Variants in ADCY5 observed in about 807,000 individuals in gnomAD.
ADCY5 encodes adenylate cyclase 5, also known as adenylate cyclase type 5.
ADCY5 carries 30 observed loss-of-function variants against 119.7 expected under a neutral mutation model. The ratio of observed to expected loss-of-function variants is 0.25; its 90% confidence interval spans 0.19 to 0.34. The LOEUF is 0.34. Ranked by LOEUF, ADCY5 falls within the 10% of genes least tolerant of loss-of-function variation. The pLI is 1.00. For synonymous variants in ADCY5, 753 were observed against 762.2 expected (o/e 0.99, Z 0.20); for missense variants, 1,324 against 1,775.2 (o/e 0.75, Z 4.57).
intron 1 of ADCY5, among the ~76,000 whole-genome samples, chr3:123,411,623 A>G (rs1204451574): frequency 6.6e-6 from 1 of 152,078 alleles, no homozygotes. Flanking sequence ...TTTTAAGTCC[A>G]AGCTCCCACA....
At chr3:123,384,103 G>C (rs12631135) in intron 1 of ADCY5, among the ~76,000 whole-genome samples, 71,931 of 151,758 alleles carry the variant, frequency 0.47, 17,807 homozygotes, top group East Asian at 0.69. Flanking sequence ...CCCTGCAGTT[G>C]TGAACCCAAT....
At chr3:123,429,674 C>T (rs187178094) in intron 1 of ADCY5, among the ~76,000 whole-genome samples, 6 of 152,326 alleles carry the variant, frequency 3.9e-5, no homozygotes, top group Non-Finnish European at 8.8e-5. Context: ...CACCTGATGG[C>T]CCATCCTCAA....
chr3:123,419,284 C>T lies in ADCY5; in HGVS notation c.1134+28128G>A, dbSNP rs1203211607. On this transcript the variant is annotated intron_variant, in intron 1 of 20. Coordinates refer to ENST00000462833, the MANE Select transcript of ADCY5 (RefSeq NM_183357.3). ...CCACAGGCCAGGGAAGTGCCGTCCGCCCACCCACTTCTCTTTGAATGGCAG... is the reference window on the plus strand; with the variant it reads ...CCACAGGCCAGGGAAGTGCCGTCCGTCCACCCACTTCTCTTTGAATGGCAG... 15 of 829,420 alleles carry T rather than the reference C, an allele frequency of 1.8e-5. No homozygotes were observed. The East Asian group carries it at 1.2e-3, about 69-fold the overall frequency. The allele number at this position is 829,420 out of a possible 1,614,324, so 51.4% of individuals were successfully genotyped here. A position where few individuals can be genotyped will look rare whatever the true frequency, so the allele number is the denominator to read the frequency against.
At chr3:123,325,588 C>T in intron 7 of ADCY5, 126 bp from the exon 8 acceptor site, 1 of 1,261,474 alleles carries the variant, frequency 7.9e-7, no homozygotes, top group Non-Finnish European at 1.1e-6. Flanking sequence ...TCTGCACAGC[C>T]CTGGAGCCAG....
intron 1 of ADCY5, among the ~76,000 whole-genome samples, chr3:123,365,596 C>T (rs551030641): frequency 2.0e-4 from 31 of 152,032 alleles, no homozygotes; most frequent in Non-Finnish European, 3.7e-4. Flanking sequence ...AGGGGAAGTC[C>T]GGGAGGAGCT....
At chr3:123,426,299 G>GTGT (rs1553748962) in intron 1 of ADCY5, among the ~76,000 whole-genome samples, 4 of 97,950 alleles carry the variant, frequency 4.1e-5, no homozygotes, top group Non-Finnish European at 9.3e-5. Flanking sequence ...TTTCTTTTGT[G>GTGT]TTTTTTTTTT....
intron 1 of ADCY5, among the ~76,000 whole-genome samples, chr3:123,439,546 T>C (rs1945686630): frequency 6.6e-6 from 1 of 152,212 alleles, no homozygotes; most frequent in African/African-American, 2.4e-5. Flanking sequence ...CTATGACTAA[T>C]TTATAAACTT....
chr3:123,346,670 A>T (rs1477025558), intron 3 of ADCY5, among the ~76,000 whole-genome samples: 2 of 135,496 alleles, frequency 1.5e-5, no homozygotes, highest in African/African-American at 5.0e-5. Context: ...TGTGTGAGAG[A>T]GAGAGATAAT....
At position 123,448,339 on chromosome 3, in the gene ADCY5, C is replaced by T; in HGVS notation, c.207G>A (p.Leu69=). The T allele has an allele frequency of 6.5e-7, 1 of 1,529,516 alleles. No homozygotes were observed. Among genetic ancestry groups the T allele is most frequent in the South Asian group, 1.2e-5 (1 of 83,674 alleles). 94.7% of individuals were successfully genotyped at this position (1,529,516 alleles called of 1,614,324 possible). Residue 69 remains leucine (L), a synonymous_variant, in exon 1 of 21, where the codon CTG becomes CTA. Coordinates refer to ENST00000462833, the MANE Select transcript of ADCY5 (RefSeq NM_183357.3). Reference sequence around the variant, plus strand: ...CGTCGTCGCTGCGCCAGCGGCTGGCCAGGCGCTGCTGCTGCTGCGGGGTCA... The same window carrying T: ...CGTCGTCGCTGCGCCAGCGGCTGGCTAGGCGCTGCTGCTGCTGCGGGGTCA... ...GAVTPQQQQR[L]ASRWRSDDDD... is the part of the protein sequence containing the mutation.
At chr3:123,424,736 G>C (rs1262962325) in intron 1 of ADCY5, among the ~76,000 whole-genome samples, 4 of 152,136 alleles carry the variant, frequency 2.6e-5, no homozygotes, top group East Asian at 1.9e-4. Flanking sequence ...TTTCTAATGG[G>C]CTCCAGGTTT....
chr3:123,349,158 T>C (rs1161503259), intron 2 of ADCY5, among the ~76,000 whole-genome samples: 1 of 152,188 alleles, frequency 6.6e-6, no homozygotes, highest in Non-Finnish European at 1.5e-5. Flanking sequence ...CACCCTGACA[T>C]CACACCCAAA....
Position 123,297,353 on chromosome 3 carries a change from C to T in ADCY5, c.2930G>A (p.Cys977Tyr). ...IDFFNNGTSQ[C>Y]PEHATKVALK... is the part of the protein sequence containing the mutation. ...CCCTATCCGAGGAGCATCAACTCAC[C>T]ACTGGGAGGTCCCGTTGTTGAAGAA... Residue 977 changes from cysteine (C) to tyrosine (Y), a missense_variant and splice_region_variant, in exon 16 of 21, where the codon TGC (cysteine) becomes TAC (tyrosine). Cys to Tyr is a radical substitution (Grantham distance 194). Coordinates refer to ENST00000462833, the MANE Select transcript of ADCY5 (RefSeq NM_183357.3). 6.2e-7 allele frequency: 1 copy of T among 1,613,958 alleles called. No individual in the cohort carries two copies. The highest frequency in any genetic ancestry group is 8.5e-7 in the Non-Finnish European group (1 of 1,179,964).
chr3:123,321,016 G>A (rs979875349), intron 8 of ADCY5, among the ~76,000 whole-genome samples: 1 of 152,038 alleles, frequency 6.6e-6, no homozygotes, highest in Non-Finnish European at 1.5e-5. Context: ...TTCATCCACC[G>A]GCACAATCCA....
intron 1 of ADCY5, among the ~76,000 whole-genome samples, chr3:123,379,611 G>A (rs1943960360): frequency 6.6e-6 from 1 of 152,014 alleles, no homozygotes; most frequent in Non-Finnish European, 1.5e-5. Flanking sequence ...AGGAGGTGTG[G>A]AGAAGGGGGT....
chr3:123,448,970 G>A lies in ADCY5; in HGVS notation c.-425C>T. On this transcript the variant is annotated 5_prime_UTR_variant, in exon 1 of 21. Coordinates refer to ENST00000462833, the MANE Select transcript of ADCY5 (RefSeq NM_183357.3). ...GCAGTGCCCGGGCGCGGCGCTCGCT[G>A]ATTCCGCCTAAGCGGAGCCCAGCTG... 1 of 165,018 alleles carries A rather than the reference G, an allele frequency of 6.1e-6. No homozygotes were observed. The allele number at this position is 165,018 out of a possible 1,614,324, so 10.2% of individuals were successfully genotyped here.
intron 1 of ADCY5, among the ~76,000 whole-genome samples, chr3:123,409,410 A>G (rs1306179957): frequency 6.6e-6 from 1 of 152,200 alleles, no homozygotes; most frequent in East Asian, 1.9e-4. Flanking sequence ...AGCACATGCT[A>G]GTTCTCAGGG....
At chr3:123,289,615 A>T in intron 19 of ADCY5, 135 bp downstream of exon 19, 1 of 1,027,482 alleles carries the variant, frequency 9.7e-7, no homozygotes, top group Non-Finnish European at 1.5e-6. Context: ...GGAACACACC[A>T]CATCAGCCTC....
Position 123,447,482 on chromosome 3 carries a change from AC to A in ADCY5, c.1063del (p.Val355CysfsTer22). On this transcript the variant is annotated frameshift_variant, in exon 1 of 21. Coordinates refer to ENST00000462833, the MANE Select transcript of ADCY5 (RefSeq NM_183357.3). LOFTEE classifies it high-confidence loss of function. ...GGCCAGGTGGAGGGCGGACAGGAGC[AC>A]CCCGCTGAGCACTGCGGCCCGCATG... Reference protein sequence around the residue: ...VRMRAAVLSGVLLSALHLAIA... With the variant: ...VRMRAAVLSGXLLSALHLAIA... The A allele has an allele frequency of 6.2e-7, 1 of 1,611,428 alleles. No homozygotes were observed.
intron 1 of ADCY5, among the ~76,000 whole-genome samples, chr3:123,400,705 G>T (rs571962839): frequency 6.6e-6 from 1 of 152,274 alleles, no homozygotes; most frequent in African/African-American, 2.4e-5. Flanking sequence ...CCAGCACTTT[G>T]GGAGGCCAAG....
Sources: gnomAD v4.1 joint callset for allele counts (sites outside exome capture counted in the v4.1 genomes callset) on GRCh38, gnomAD v4.1.1 for gene constraint, MANE v1.5 for transcripts, NCBI Gene and HGNC (gene_info 2026-07-23, HGNC 2026-07-21) for gene names.